NEK10: variants seen among roughly 807,000 people sequenced by gnomAD.
The protein encoded by NEK10 is NIMA related kinase 10.
NEK10 carries 122 observed loss-of-function variants against 159.8 expected under a neutral mutation model. The observed-to-expected ratio is 0.76, with a 90% CI of 0.66 to 0.89. The LOEUF (loss-of-function observed/expected upper bound fraction) is 0.89. Ranked by LOEUF, NEK10 falls within the 40% of genes least tolerant of loss-of-function variation. The probability of loss-of-function intolerance (pLI) is 0.00; values close to 1 mark genes in which losing one functional copy is unlikely to be tolerated. For missense variants in NEK10, 1,342 were observed against 1,323.1 expected (o/e 1.01, Z -0.22); for synonymous variants, 466 against 457.1 (o/e 1.02, Z -0.25).
intron 25 of NEK10, among the ~76,000 whole-genome samples, chr3:27,195,130 G>T (rs576083734): frequency 1.3e-5 from 2 of 152,250 alleles, no homozygotes; most frequent in Admixed American, 6.5e-5. Flanking sequence ...GAGGAAAGAA[G>T]ATATATATGA....
At chr3:27,361,357 A>C (rs1209066260) in intron 1 of NEK10, among the ~76,000 whole-genome samples, 1 of 152,168 alleles carries the variant, frequency 6.6e-6, no homozygotes. Context: ...AATGAACCTG[A>C]GACTTACATA....
chr3:27,217,574 C>A (rs1951662961), intron 23 of NEK10, among the ~76,000 whole-genome samples: 1 of 152,174 alleles, frequency 6.6e-6, no homozygotes, highest in African/African-American at 2.4e-5. Context: ...ACCTCAAACA[C>A]TGGGAATTAC....
chr3:27,289,322 T>G (rs917515998), intron 19 of NEK10, among the ~76,000 whole-genome samples: 1 of 152,200 alleles, frequency 6.6e-6, no homozygotes, highest in African/African-American at 2.4e-5. Flanking sequence ...TTAATCTTAA[T>G]GTACTCTCCA....
intron 6 of NEK10, among the ~76,000 whole-genome samples, chr3:27,318,595 G>C (rs1489329408): frequency 6.6e-6 from 1 of 152,216 alleles, no homozygotes; most frequent in Non-Finnish European, 1.5e-5. Flanking sequence ...ATGTTGTGTA[G>C]CTTAGGGAAA....
At position 27,163,359 on chromosome 3, in the gene NEK10, CT is replaced by C. The variant is rs541857386; in HGVS notation, c.2832-622del. ...CCACTGTACCCTAGAACCAATTTTT[CT>C]TTTTTTTTTTGAGACGAGTCTAGCT... On this transcript the variant is annotated intron_variant, in intron 29 of 35. Transcript: ENST00000691995. Among the ~76,000 whole-genome samples, 541 of 145,416 alleles carry C rather than the reference CT, an allele frequency of 3.7e-3. 1 individual carries two copies. The highest frequency in any genetic ancestry group is 0.012 in the African/African-American group (490 of 39,902).
At chr3:27,352,320 G>C in intron 3 of NEK10, 145 bp downstream of exon 3, 1 of 660,616 alleles carries the variant, frequency 1.5e-6, no homozygotes, top group South Asian at 1.9e-5. Flanking sequence ...AGGTGTCAGA[G>C]AAACAGCCAG....
At chr3:27,356,348 CA>C (rs2048325588) in intron 1 of NEK10, among the ~76,000 whole-genome samples, 1 of 152,042 alleles carries the variant, frequency 6.6e-6, no homozygotes, top group Non-Finnish European at 1.5e-5. Flanking sequence ...TCCATCTCTA[CA>C]AAAAATTTAA....
chr3:27,207,721 C>CG lies in NEK10; in HGVS notation c.2091-5165_2091-5164insC, dbSNP rs576828870. On this transcript the variant is annotated intron_variant, in intron 23 of 35. Coordinates refer to ENST00000691995, the MANE Select transcript of NEK10 (RefSeq NM_001394966.1). ...CATTTAGTTCTCAGGTATTGGCTAT[C>CG]ACACCTTCATCTCCCGGGAGTACCT... Among the ~76,000 whole-genome samples the CG allele has an allele frequency of 1.7e-3, 252 of 152,218 alleles. 1 individual carries two copies. Among genetic ancestry groups the CG allele is most frequent in the Non-Finnish European group, 2.6e-3 (179 of 67,994 alleles).
intron 11 of NEK10, 47 bp downstream of exon 11, chr3:27,307,812 T>A: frequency 1.2e-6 from 1 of 864,582 alleles, no homozygotes. Flanking sequence ...AGTGTATCTG[T>A]CAAATAAAGG....
At chr3:27,205,316 C>T (rs1285793941) in intron 23 of NEK10, among the ~76,000 whole-genome samples, 1 of 138,292 alleles carries the variant, frequency 7.2e-6, no homozygotes, top group Non-Finnish European at 1.6e-5. Flanking sequence ...CCATCCCCAT[C>T]AAGCTACCAA....
intron 19 of NEK10, 132 bp downstream of exon 19, chr3:27,290,485 T>C: frequency 1.6e-6 from 1 of 632,624 alleles, no homozygotes; most frequent in Non-Finnish European, 2.5e-6. Flanking sequence ...GGCAAAAATA[T>C]CACTGCTTCA....
chr3:27,139,718 G>A (rs1943583389), intron 31 of NEK10, among the ~76,000 whole-genome samples: 1 of 152,174 alleles, frequency 6.6e-6, no homozygotes, highest in Non-Finnish European at 1.5e-5. Flanking sequence ...TGTGTTTGAT[G>A]AGGGTAAAAT....
intron 25 of NEK10, among the ~76,000 whole-genome samples, chr3:27,199,697 T>G (rs1183568519): frequency 6.6e-6 from 1 of 152,096 alleles, no homozygotes; most frequent in Non-Finnish European, 1.5e-5. Flanking sequence ...AGCAAAGACA[T>G]GGAATCAACA....
At chr3:27,234,680 C>T (rs1953706286) in intron 23 of NEK10, among the ~76,000 whole-genome samples, 1 of 152,026 alleles carries the variant, frequency 6.6e-6, no homozygotes, top group Non-Finnish European at 1.5e-5. Flanking sequence ...TGAAAATGGC[C>T]ATACTGCCCA....
chr3:27,294,508 C>T (rs1413790117), intron 15 of NEK10, among the ~76,000 whole-genome samples: 2 of 152,174 alleles, frequency 1.3e-5, no homozygotes, highest in Non-Finnish European at 2.9e-5. Context: ...CTAAAAAACC[C>T]TCTACTGGCT....
Position 27,215,755 on chromosome 3 carries a change from C to T in NEK10, c.2091-13198G>A, listed in dbSNP as rs377584005. On this transcript the variant is annotated intron_variant, in intron 23 of 35. Transcript: ENST00000691995. ...ACGGTTCTGCAGGCTGTACAGGAACCATGATGGCATTTGCTTCTTGGGAGG... is the reference window on the plus strand; with the variant it reads ...ACGGTTCTGCAGGCTGTACAGGAACTATGATGGCATTTGCTTCTTGGGAGG... 332 of 713,616 alleles carry T rather than the reference C, an allele frequency of 4.7e-4. 3 individuals carry two copies. In the African/African-American group the frequency reaches 5.1e-3, roughly 11 times the overall value. The allele number at this position is 713,616 out of a possible 1,614,324, so 44.2% of individuals were successfully genotyped here. A position where few individuals can be genotyped will look rare whatever the true frequency, so the allele number is the denominator to read the frequency against.
At chr3:27,219,973 A>G (rs145668759) in intron 23 of NEK10, among the ~76,000 whole-genome samples, 1 of 152,242 alleles carries the variant, frequency 6.6e-6, no homozygotes, top group African/African-American at 2.4e-5. Flanking sequence ...TATTTACAAT[A>G]GCTTCAAAAA....
At chr3:27,300,107 T>C (rs2043686365) in intron 13 of NEK10, among the ~76,000 whole-genome samples, 1 of 152,152 alleles carries the variant, frequency 6.6e-6, no homozygotes, top group South Asian at 2.1e-4. Context: ...ATGGTTTGAC[T>C]GTGTCCCCAC....
intron 30 of NEK10, among the ~76,000 whole-genome samples, chr3:27,144,524 G>T (rs922849029): frequency 6.6e-6 from 1 of 152,254 alleles, no homozygotes; most frequent in Non-Finnish European, 1.5e-5. Flanking sequence ...GACCAGAAAA[G>T]AATCCATTTT....
Sources: gnomAD v4.1 joint callset for allele counts (sites outside exome capture counted in the v4.1 genomes callset) on GRCh38, gnomAD v4.1.1 for gene constraint, MANE v1.5 for transcripts, NCBI Gene and HGNC (gene_info 2026-07-23, HGNC 2026-07-21) for gene names.